The following PLBD1 variants were observed in gnomAD, a reference collection of about 807,000 sequenced individuals.
PLBD1 encodes phospholipase B domain containing 1, also known as lysosomal leucine aminopeptidase.
In PLBD1, 60 loss-of-function variants were observed where a neutral mutation model predicts 63.0. That is an observed-to-expected ratio of 0.95 (90% CI 0.77 to 1.18). The LOEUF is 1.18. Ranked by LOEUF, PLBD1 falls within the 50% of genes most tolerant of loss-of-function variation. The pLI is 0.00. For synonymous variants in PLBD1, 262 were observed against 248.0 expected, an observed-to-expected ratio of 1.06 and a Z score of -0.53; for missense variants, 598 against 677.9, an observed-to-expected ratio of 0.88 and a Z score of 1.31.
intron 8 of PLBD1, among the ~76,000 whole-genome samples, chr12:14,509,967 T>A (rs1456100894): frequency 6.6e-6 from 1 of 152,192 alleles, no homozygotes; most frequent in African/African-American, 2.4e-5. Flanking sequence ...GGGAGCCAGA[T>A]GAGTCTCAGA....
chr12:14,511,471 A>C (rs1945297866), intron 7 of PLBD1, 40 bp downstream of exon 7: 2 of 1,614,022 alleles, frequency 1.2e-6, no homozygotes, highest in Non-Finnish European at 1.7e-6. Context: ...AAATCAAAAT[A>C]TATGTCTGTG....
At position 14,533,840 on chromosome 12, in the gene PLBD1, C is replaced by T. The variant is rs537310137; in HGVS notation, c.844+1819G>A. Among the ~76,000 whole-genome samples, 14 of 152,252 alleles carry T rather than the reference C, an allele frequency of 9.2e-5. No homozygotes were observed. In the East Asian group the frequency reaches 1.5e-3, roughly 17 times the overall value. On this transcript the variant is annotated intron_variant, in intron 6 of 10. Transcript: ENST00000240617. ...AGGACAGAGAAATACTGGGTTATGC[C>T]CTTGGTCAGAATTCCTGATAGGGGC...
At chr12:14,520,434 T>G (rs896502825) in intron 6 of PLBD1, among the ~76,000 whole-genome samples, 1 of 152,172 alleles carries the variant, frequency 6.6e-6, no homozygotes, top group African/African-American at 2.4e-5. Context: ...TGTTGAAGTT[T>G]GAGTGCAAGC....
At position 14,528,510 on chromosome 12, in the gene PLBD1, C is replaced by T. The variant is rs573254975; in HGVS notation, c.844+7149G>A. 5.9e-5 allele frequency among the ~76,000 whole-genome samples: 9 copies of T among 151,976 alleles called. No homozygotes were observed. The South Asian group carries it at 6.2e-4, about 11-fold the overall frequency. On this transcript the variant is annotated intron_variant, in intron 6 of 10. Transcript: ENST00000240617. ...CAAATAAGCTATGGATTAAATAAAT[C>T]GTGATAAATTAGAAAATATTCTAAA...
intron 8 of PLBD1, among the ~76,000 whole-genome samples, chr12:14,508,787 T>C (rs749057611): frequency 6.6e-6 from 1 of 151,104 alleles, no homozygotes; most frequent in Admixed American, 6.6e-5. Context: ...ATAAAGAAAA[T>C]AGAGCAGCTT....
At chr12:14,548,131 C>T (rs1395084792) in intron 2 of PLBD1, among the ~76,000 whole-genome samples, 2 of 152,020 alleles carry the variant, frequency 1.3e-5, no homozygotes, top group Non-Finnish European at 2.9e-5. Context: ...TTTTAAGTTA[C>T]AAATAATTAC....
At chr12:14,549,952 G>A (rs957761505) in intron 2 of PLBD1, among the ~76,000 whole-genome samples, 2 of 152,190 alleles carry the variant, frequency 1.3e-5, no homozygotes, top group Non-Finnish European at 2.9e-5. Flanking sequence ...ACAGGCGTGA[G>A]ACACCGTGCC....
In PLBD1 at chr12:14,506,313, A is replaced by G. The variant is rs1945255811; in HGVS notation, c.1373-45T>C. ...AAGAGAGTGATTATTGGCTATTTGG[A>G]GACACACTTCTCCACAGTAAGGTTT... On this transcript the variant is annotated intron_variant, in intron 9 of 10. Coordinates refer to ENST00000240617, the MANE Select transcript of PLBD1 (RefSeq NM_024829.6). The G allele has an allele frequency of 2.9e-6, 4 of 1,375,264 alleles. No homozygotes were observed. The South Asian group carries it at 4.7e-5, about 16-fold the overall frequency. The allele number at this position is 1,375,264 out of a possible 1,614,324, so 85.2% of individuals were successfully genotyped here. A position where few individuals can be genotyped will look rare whatever the true frequency, so the allele number is the denominator to read the frequency against.
intron 6 of PLBD1, among the ~76,000 whole-genome samples, chr12:14,521,173 T>G (rs937644835): frequency 3.9e-5 from 6 of 152,110 alleles, no homozygotes; most frequent in Non-Finnish European, 5.9e-5. Context: ...TCCCCATCCC[T>G]GTGGCACAGC....
Position 14,535,791 on chromosome 12 carries a change from A to G in PLBD1, c.712T>C (p.Phe238Leu), listed in dbSNP as rs1393782828. Residue 238 changes from phenylalanine to leucine, a missense_variant, in exon 6 of 11, where the codon TTT becomes CTT. Transcript: ENST00000240617. ...GAGTGAGCAAAAAGGATGTTCTCAA[A>G]TCCAGGAAGAACCTACAGCCAGAAT... The part of the protein sequence containing the change: ...CSALIKVLPG[F>L]ENILFAHSSW... The G allele has an allele frequency of 1.2e-6, 2 of 1,613,630 alleles. No individual in the cohort carries two copies. The highest frequency in any genetic ancestry group is 1.3e-5 in the African/African-American group (1 of 74,914).
Position 14,535,701 on chromosome 12 carries a change from T to TTC in PLBD1, c.801_802insGA (p.Lys268GlufsTer31). The TTC allele has an allele frequency of 6.2e-7, 1 of 1,614,044 alleles. No homozygotes were observed. The highest frequency in any genetic ancestry group is 8.5e-7 in the Non-Finnish European group (1 of 1,179,912). On this transcript the variant is annotated frameshift_variant, in exon 6 of 11. Transcript: ENST00000240617. LOFTEE classifies it high-confidence loss of function. ...GAGAGGCGACTACTGCTGGTATCTT[T>TTC]ATCTATGACGTTGAAGTCCCAGTGT...
chr12:14,540,013 CA>C (rs1220622358), intron 4 of PLBD1, among the ~76,000 whole-genome samples: 3,560 of 22,580 alleles, frequency 0.16, 314 homozygotes, highest in African/African-American at 0.29. Context: ...AAGCTATGCA[CA>C]TATATATATA....
chr12:14,506,054 GTT>G, intron 10 of PLBD1, 106 bp downstream of exon 10: 1 of 678,328 alleles, frequency 1.5e-6, no homozygotes, highest in East Asian at 2.9e-5. Flanking sequence ...CCTGGGTTGA[GTT>G]TATGGTTAGC....
intron 4 of PLBD1, among the ~76,000 whole-genome samples, chr12:14,540,013 CATATATAT>C (rs58124579): frequency 2.1e-3 from 47 of 22,770 alleles, no homozygotes; most frequent in Middle Eastern, 0.028. Flanking sequence ...AAGCTATGCA[CATATATAT>C]ATATATATAT....
Position 14,511,730 on chromosome 12 carries a change from T to C in PLBD1, c.845-19A>G. 2 of 1,599,990 alleles carry C rather than the reference T, an allele frequency of 1.3e-6. No individual in the cohort carries two copies. The highest frequency in any genetic ancestry group is 1.7e-6 in the Non-Finnish European group (2 of 1,167,374). ...AAAAACCCTACAGGAAAGACAAATA[T>C]ACACATCAGCATATGTATACATGGA... is the stretch of plus-strand genomic sequence containing the variant. On this transcript the variant is annotated intron_variant, in intron 6 of 10. Coordinates refer to ENST00000240617, the MANE Select transcript of PLBD1 (RefSeq NM_024829.6).
intron 8 of PLBD1, among the ~76,000 whole-genome samples, chr12:14,509,449 A>T (rs532299412): frequency 3.0e-4 from 46 of 152,338 alleles, no homozygotes; most frequent in African/African-American, 1.1e-3. Flanking sequence ...TCTATGCTAA[A>T]CAGTAACCAC....
chr12:14,535,732 T>C lies in PLBD1; in HGVS notation c.771A>G (p.Ile257Met), dbSNP rs1452644025. The change falls in exon 6 of 11, where the codon ATA becomes ATG. Residue 257 changes from isoleucine to methionine, a missense_variant. Coordinates refer to ENST00000240617, the MANE Select transcript of PLBD1 (RefSeq NM_024829.6). Reference protein sequence around the residue: ...SWYTYAAMLRIYKHWDFNVID... With the variant: ...SWYTYAAMLRMYKHWDFNVID... ...TGACGTTGAAGTCCCAGTGTTTATATATCCTGAGCATGGCTGCATACGTGT... is the reference window on the plus strand; with the variant it reads ...TGACGTTGAAGTCCCAGTGTTTATACATCCTGAGCATGGCTGCATACGTGT... The C allele has an allele frequency of 1.9e-6, 3 of 1,614,020 alleles. No homozygotes were observed. The highest frequency in any genetic ancestry group is 2.2e-5 in the East Asian group (1 of 44,884).
chr12:14,558,871 G>GA (rs1016097007), intron 1 of PLBD1, among the ~76,000 whole-genome samples: 49 of 152,078 alleles, frequency 3.2e-4, no homozygotes, highest in Non-Finnish European at 6.0e-4. Context: ...CTCCATGAAT[G>GA]AAAAAACCTT....
At chr12:14,553,751 T>C (rs895806508) in intron 1 of PLBD1, 4 of 349,878 alleles carry the variant, frequency 1.1e-5, no homozygotes, top group African/African-American at 8.4e-5. Context: ...TGTTTGGAGG[T>C]TCTCGCAGGA....
Sources: gnomAD v4.1 joint callset for allele counts (sites outside exome capture counted in the v4.1 genomes callset) on GRCh38, gnomAD v4.1.1 for gene constraint, MANE v1.5 for transcripts, NCBI Gene and HGNC (gene_info 2026-07-23, HGNC 2026-07-21) for gene names.